Variants in MORF4L1 observed in about 807,000 individuals in gnomAD.
MORF4L1 encodes mortality factor 4 like 1.
A neutral mutation model predicts 52.9 loss-of-function variants in MORF4L1; 4 were observed. The observed-to-expected ratio is 0.08, with a 90% confidence interval of 0.04 to 0.17. The LOEUF (loss-of-function observed/expected upper bound fraction) is 0.17. MORF4L1 is among the 10% of genes least tolerant of loss of function. MORF4L1 has a pLI of 1.00. For missense variants in MORF4L1, 214 were observed against 390.4 expected (o/e 0.55, Z 3.81); for synonymous variants, 123 against 134.8 (o/e 0.91, Z 0.61).
intron 1 of MORF4L1, 22 bp downstream of exon 1, chr15:78,873,079 A>G: frequency 6.4e-7 from 1 of 1,550,490 alleles, no homozygotes; most frequent in Admixed American, 2.0e-5. Flanking sequence ...CCTTTGGGAA[A>G]AAGGCACCTA....
chr15:78,880,771 A>T (rs549858831), intron 3 of MORF4L1, among the ~76,000 whole-genome samples, 192 bp downstream of exon 3: 1 of 152,216 alleles, frequency 6.6e-6, no homozygotes, highest in Admixed American at 6.5e-5. Context: ...ATTTAAATAT[A>T]CTTGGATCTT....
chr15:78,886,038 C>A, intron 3 of MORF4L1, 103 bp from the exon 4 acceptor site: 1 of 788,460 alleles, frequency 1.3e-6, no homozygotes, highest in Non-Finnish European at 2.2e-6. Context: ...AGTGCCAGTT[C>A]ATCAAATTAC....
intron 3 of MORF4L1, among the ~76,000 whole-genome samples, chr15:78,882,671 A>G (rs750375520): frequency 6.6e-6 from 1 of 152,186 alleles, no homozygotes; most frequent in African/African-American, 2.4e-5. Flanking sequence ...GAAAGATAAC[A>G]TCTTAATTTT....
At chr15:78,896,131 A>C (rs1253238502) in intron 11 of MORF4L1, among the ~76,000 whole-genome samples, 1 of 151,896 alleles carries the variant, frequency 6.6e-6, no homozygotes, top group Non-Finnish European at 1.5e-5. Flanking sequence ...GGTGCACACC[A>C]CCATGCCTGA....
chr15:78,886,129 C>T lies in MORF4L1; in HGVS notation c.156-12C>T. The T allele has an allele frequency of 1.2e-6, 2 of 1,607,586 alleles. No homozygotes were observed. Among genetic ancestry groups the T allele is most frequent in the Non-Finnish European group, 1.7e-6 (2 of 1,174,186 alleles). On this transcript the variant is annotated splice_polypyrimidine_tract_variant and intron_variant, in intron 3 of 11. Coordinates refer to ENST00000426013, the MANE Select transcript of MORF4L1 (RefSeq NM_006791.4). ...TATTTTTGAGTTAAATTTTAACTTT[C>T]CTCTTTTTCAGTTGGGATGAATGGG...
At chr15:78,880,468 TA>T in intron 2 of MORF4L1, 43 bp from the exon 3 acceptor site, 1 of 1,454,922 alleles carries the variant, frequency 6.9e-7, no homozygotes, top group Non-Finnish European at 9.5e-7. Context: ...GTAGTGTCTT[TA>T]AAAAATTTCT....
At chr15:78,887,787 C>CT (rs972813921) in intron 5 of MORF4L1, among the ~76,000 whole-genome samples, 3 of 151,852 alleles carry the variant, frequency 2.0e-5, no homozygotes, top group African/African-American at 4.8e-5. Flanking sequence ...AAAACCATTG[C>CT]TTTTTTTTGA....
chr15:78,892,355 A>T, intron 8 of MORF4L1, 42 bp downstream of exon 8: 1 of 1,428,308 alleles, frequency 7.0e-7, no homozygotes, highest in South Asian at 1.2e-5. Flanking sequence ...TATATGATAC[A>T]TTCTTGCTAG....
chr15:78,894,994 T>C (rs2141487383), intron 11 of MORF4L1, 90 bp downstream of exon 11: 3 of 1,048,224 alleles, frequency 2.9e-6, no homozygotes, highest in Admixed American at 1.8e-5. Context: ...ACATTAAACA[T>C]TATATTGGTA....
chr15:78,878,276 C>T lies in MORF4L1; in HGVS notation c.87+17C>T. 1.9e-6 allele frequency: 3 copies of T among 1,608,848 alleles called. No individual in the cohort carries two copies. In the East Asian group the frequency reaches 6.7e-5, roughly 36 times the overall value. On this transcript the variant is annotated intron_variant, in intron 2 of 11. Transcript: ENST00000426013. The stretch of plus-strand genomic sequence containing the variant: ...GAAGCAAAGGTATGAAACTTGTTTT[C>T]TTTTGAGAAGTTGGCCAAAACTACT...
intron 4 of MORF4L1, among the ~76,000 whole-genome samples, chr15:78,886,939 A>G (rs1310211244): frequency 6.8e-6 from 1 of 147,332 alleles, no homozygotes; most frequent in Non-Finnish European, 1.5e-5. Context: ...TGGGCAGCAC[A>G]GTGAAACTCT....
intron 11 of MORF4L1, among the ~76,000 whole-genome samples, chr15:78,896,243 T>C (rs1035973841): frequency 6.6e-5 from 10 of 152,010 alleles, no homozygotes; most frequent in Admixed American, 3.3e-4. Context: ...CCCAAAGTGC[T>C]GTGATTACAG....
chr15:78,874,747 C>T (rs1467483336), intron 1 of MORF4L1, among the ~76,000 whole-genome samples: 2 of 150,858 alleles, frequency 1.3e-5, no homozygotes, highest in Admixed American at 6.6e-5. Flanking sequence ...CTTTTAATAC[C>T]CCTCTCTCAC....
At chr15:78,880,153 TTATAATATAGTTTA>T (rs1045522514) in intron 2 of MORF4L1, among the ~76,000 whole-genome samples, 1 of 152,242 alleles carries the variant, frequency 6.6e-6, no homozygotes, top group African/African-American at 2.4e-5. Flanking sequence ...TGAAGTTTTT[TTATAATATAGTTTA>T]AAGACTTTGC....
intron 7 of MORF4L1, 64 bp downstream of exon 7, chr15:78,891,636 C>A: frequency 7.8e-7 from 1 of 1,283,692 alleles, no homozygotes; most frequent in South Asian, 1.3e-5. Flanking sequence ...CATGACATAA[C>A]CATGGGAGCT....
chr15:78,891,658 C>A, intron 7 of MORF4L1, 86 bp downstream of exon 7: 1 of 1,109,370 alleles, frequency 9.0e-7, no homozygotes, highest in Non-Finnish European at 1.3e-6. Context: ...TGATTATCTA[C>A]AAGATTTGCT....
In MORF4L1 at chr15:78,897,285, A is replaced by G. The variant is rs879218157; in HGVS notation, c.*218A>G. 2.8e-4 allele frequency: 121 copies of G among 427,776 alleles called. 1 individual carries two copies. Among genetic ancestry groups the G allele is most frequent in the South Asian group, 2.3e-3 (90 of 39,416 alleles). 26.5% of individuals were successfully genotyped at this position (427,776 alleles called of 1,614,324 possible). On this transcript the variant is annotated 3_prime_UTR_variant, in exon 12 of 12. Transcript: ENST00000426013. Reference sequence around the variant, plus strand: ...TTCAAAATTGCTGCCAGTGTTTTCAATGATGGACAACAGAGGGATATGCTG... The same window carrying G: ...TTCAAAATTGCTGCCAGTGTTTTCAGTGATGGACAACAGAGGGATATGCTG...
chr15:78,873,115 C>T (rs1391465780), intron 1 of MORF4L1, 58 bp downstream of exon 1: 24 of 1,546,632 alleles, frequency 1.6e-5, no homozygotes, highest in Non-Finnish European at 1.7e-5. Context: ...GAGGCGGGCT[C>T]GAGGTGATTG....
At chr15:78,874,583 C>T (rs865929040) in intron 1 of MORF4L1, among the ~76,000 whole-genome samples, 3 of 112,188 alleles carry the variant, frequency 2.7e-5, no homozygotes, top group South Asian at 2.8e-4. Flanking sequence ...CTTTTTCTTT[C>T]TTTTTTTTTT....
Sources: gnomAD v4.1 joint callset for allele counts (sites outside exome capture counted in the v4.1 genomes callset) on GRCh38, gnomAD v4.1.1 for gene constraint, MANE v1.5 for transcripts, NCBI Gene and HGNC (gene_info 2026-07-23, HGNC 2026-07-21) for gene names.